MAP3K13: variants seen among roughly 807,000 people sequenced by gnomAD.
MAP3K13 encodes leucine zipper-bearing kinase.
Under a neutral mutation model 104.0 loss-of-function variants are expected in MAP3K13, and 52 were observed. That is an observed-to-expected ratio of 0.50 (90% CI 0.40 to 0.63). The LOEUF (loss-of-function observed/expected upper bound fraction) is 0.63. MAP3K13 is among the 20% of genes least tolerant of loss of function. The pLI is 0.00. For missense variants in MAP3K13, 914 were observed against 1,218.5 expected, an observed-to-expected ratio of 0.75 and a Z score of 3.72; for synonymous variants, 394 against 442.2, an observed-to-expected ratio of 0.89 and a Z score of 1.37.
chr3:185,424,055 G>A (rs1194986260), intron 1 of MAP3K13, among the ~76,000 whole-genome samples: 1 of 152,148 alleles, frequency 6.6e-6, no homozygotes, highest in African/African-American at 2.4e-5. Flanking sequence ...TTCCTTCAGT[G>A]TAATTATTAG....
At chr3:185,346,287 T>C (rs1004550486) in intron 2 of MAP3K13, among the ~76,000 whole-genome samples, 1 of 152,190 alleles carries the variant, frequency 6.6e-6, no homozygotes, top group African/African-American at 2.4e-5. Context: ...TCACAGATAA[T>C]CTAGAAATTT....
chr3:185,326,619 G>T (rs1306501912), intron 2 of MAP3K13, among the ~76,000 whole-genome samples: 5 of 152,034 alleles, frequency 3.3e-5, no homozygotes, highest in African/African-American at 9.7e-5. Context: ...GACCCAGAGA[G>T]GTTAAGCAAA....
intron 1 of MAP3K13, among the ~76,000 whole-genome samples, chr3:185,367,518 G>A (rs1407196360): frequency 6.6e-6 from 1 of 152,166 alleles, no homozygotes. Flanking sequence ...TTCACTCAAA[G>A]AGTGAGGGTA....
intron 1 of MAP3K13, among the ~76,000 whole-genome samples, chr3:185,398,065 T>G (rs1361035564): frequency 6.6e-6 from 1 of 152,094 alleles, no homozygotes; most frequent in African/African-American, 2.4e-5. Flanking sequence ...AGTACACTGA[T>G]GGGCTATGAT....
chr3:185,414,802 C>T (rs1411585293), intron 1 of MAP3K13, among the ~76,000 whole-genome samples: 2 of 152,130 alleles, frequency 1.3e-5, no homozygotes, highest in East Asian at 3.9e-4. Context: ...TTATATTTTA[C>T]TGTCCAACTA....
chr3:185,307,547 T>G lies in MAP3K13; in HGVS notation c.-86+21904T>G, dbSNP rs56137169. On this transcript the variant is annotated intron_variant, in intron 2 of 14. Transcript: ENST00000424227. The stretch of plus-strand genomic sequence containing the variant: ...AATTTCCATTTGGTGCACCACCCCC[T>G]CCCCCGCCACCCCGAGATGCAGTCT... Among the ~76,000 whole-genome samples the G allele has an allele frequency of 8.2e-5, 9 of 110,296 alleles. No homozygotes were observed. In the South Asian group the frequency reaches 1.4e-3, roughly 17 times the overall value. 72.4% of individuals were successfully genotyped at this position (110,296 alleles called of 152,430 possible). A position where few individuals can be genotyped will look rare whatever the true frequency, so the allele number is the denominator to read the frequency against.
intron 2 of MAP3K13, among the ~76,000 whole-genome samples, chr3:185,308,788 C>T (rs1383084868): frequency 6.6e-6 from 1 of 152,206 alleles, no homozygotes; most frequent in East Asian, 1.9e-4. Flanking sequence ...TTGGCATTTA[C>T]TTGCAATTAT....
At chr3:185,341,387 C>T (rs1489485477) in intron 2 of MAP3K13, among the ~76,000 whole-genome samples, 2 of 152,118 alleles carry the variant, frequency 1.3e-5, no homozygotes, top group East Asian at 1.9e-4. Context: ...AGGCAAGGAA[C>T]GGTTTTTTCC....
At position 185,443,529 on chromosome 3, in the gene MAP3K13, C is replaced by A. The variant is rs533941966; in HGVS notation, c.744C>A (p.Gly248=). The change falls in exon 4 of 14, where the codon GGC becomes GGA. Residue 248 remains glycine, a synonymous_variant. Coordinates refer to ENST00000265026, the MANE Select transcript of MAP3K13 (RefSeq NM_004721.5). ...HGQLYEVLRA[G]RKITPRLLVD... The stretch of plus-strand genomic sequence containing the variant: ...AACTCTACGAGGTCTTACGAGCTGG[C>A]AGGAAGATCACACCTCGATTGCTAG... 3 of 1,614,042 alleles carry A rather than the reference C, an allele frequency of 1.9e-6. No individual in the cohort carries two copies. Among genetic ancestry groups the A allele is most frequent in the East Asian group, 4.5e-5 (2 of 44,882 alleles).
At chr3:185,426,628 C>G (rs1714437370) in intron 1 of MAP3K13, among the ~76,000 whole-genome samples, 1 of 152,162 alleles carries the variant, frequency 6.6e-6, no homozygotes, top group Non-Finnish European at 1.5e-5. Flanking sequence ...CCATTCATGT[C>G]TTTCTGCATG....
chr3:185,473,678 G>C lies in MAP3K13; in HGVS notation c.2347G>C (p.Gly783Arg). ...SEKTEENEFS[G>R]CRSESSLGTS... is the part of the protein sequence containing the mutation. ...GAAAACGGAAGAAAATGAATTCAGC[G>C]GCTGTAGGTCTGAGTCATCCCTCGG... The change falls in exon 11 of 14, where the codon GGC (glycine) becomes CGC (arginine). Residue 783 changes from glycine to arginine, a missense_variant. Physicochemically the swap from Gly to Arg is moderately radical, Grantham distance 125. Around this residue, in one of 3 missense-constraint regions of MAP3K13, gnomAD observed 583 missense variants for 737.4 expected, o/e 0.79. Transcript: ENST00000265026. This position sits in a 1 kb window ranked among gnomAD's most constrained non-coding sequence, Gnocchi z 4.9. 1 of 1,614,130 alleles carries C rather than the reference G, an allele frequency of 6.2e-7. No individual in the cohort carries two copies. Among genetic ancestry groups the C allele is most frequent in the Non-Finnish European group, 8.5e-7 (1 of 1,180,036 alleles).
At chr3:185,460,549 T>C (rs1458226006) in intron 7 of MAP3K13, among the ~76,000 whole-genome samples, 1 of 152,218 alleles carries the variant, frequency 6.6e-6, no homozygotes, top group Non-Finnish European at 1.5e-5. Context: ...AAATTGGCTG[T>C]GGGCTTGCCC....
At chr3:185,405,293 C>A (rs555874257) in intron 1 of MAP3K13, among the ~76,000 whole-genome samples, 1 of 152,274 alleles carries the variant, frequency 6.6e-6, no homozygotes, top group East Asian at 1.9e-4. Flanking sequence ...TTTGCACATT[C>A]CAATTACTGT....
At chr3:185,298,979 T>A (rs1219722199) in intron 2 of MAP3K13, among the ~76,000 whole-genome samples, 1 of 152,234 alleles carries the variant, frequency 6.6e-6, no homozygotes, top group East Asian at 1.9e-4. Context: ...AAACGTGTAA[T>A]CACAATTCTT....
At chr3:185,363,408 T>C in intron 1 of MAP3K13, 40 bp downstream of exon 1, 1 of 921,914 alleles carries the variant, frequency 1.1e-6, no homozygotes, top group Non-Finnish European at 1.3e-6. Context: ...CTTCAGTATT[T>C]ATTTCACAAG....
At chr3:185,297,412 C>T (rs1047679609) in intron 2 of MAP3K13, among the ~76,000 whole-genome samples, 1 of 152,102 alleles carries the variant, frequency 6.6e-6, no homozygotes, top group Non-Finnish European at 1.5e-5. Context: ...TGGCTTCCTT[C>T]CTTTTGAGGT....
chr3:185,386,443 ATGCTC>A (rs1473783968), intron 1 of MAP3K13, among the ~76,000 whole-genome samples: 1 of 152,192 alleles, frequency 6.6e-6, no homozygotes, highest in African/African-American at 2.4e-5. Flanking sequence ...AGAAAAGGGA[ATGCTC>A]TGATACTGTT....
chr3:185,312,678 T>C (rs1209454171), intron 2 of MAP3K13, among the ~76,000 whole-genome samples: 1 of 152,156 alleles, frequency 6.6e-6, no homozygotes, highest in South Asian at 2.1e-4. Context: ...ATCAAAAGCA[T>C]CTTGATGCAA....
intron 2 of MAP3K13, chr3:185,329,134 G>T: frequency 1.5e-6 from 1 of 669,494 alleles, no homozygotes; most frequent in Admixed American, 2.2e-5. Flanking sequence ...TTTTTTTAAT[G>T]GAAAAGAAAG....
Sources: gnomAD v4.1 joint callset for allele counts (sites outside exome capture counted in the v4.1 genomes callset) on GRCh38, gnomAD v4.1.1 for gene constraint, gnomAD v4.1.1 regional missense constraint, Gnocchi (gnomAD v3.1) non-coding constraint, MANE v1.5 for transcripts, NCBI Gene and HGNC (gene_info 2026-07-23, HGNC 2026-07-21) for gene names.